LPIN1: variants seen among roughly 807,000 people sequenced by gnomAD.
LPIN1 encodes phosphatidate phosphatase LPIN1.
LPIN1 carries 71 observed loss-of-function variants against 107.5 expected under a neutral mutation model. The ratio of observed to expected loss-of-function variants is 0.66; its 90% confidence interval spans 0.55 to 0.80. LPIN1 has a LOEUF of 0.80. LPIN1 is among the 30% of genes least tolerant of loss of function. LPIN1 has a pLI of 0.00. For synonymous variants in LPIN1, 445 were observed against 452.6 expected (o/e 0.98, Z 0.21); for missense variants, 1,043 against 1,160.6 (o/e 0.90, Z 1.47).
Position 11,805,110 on chromosome 2 carries a change from G to A in LPIN1, c.2203G>A (p.Asp735Asn). 1 of 1,613,994 alleles carries A rather than the reference G, an allele frequency of 6.2e-7. No homozygotes were observed. Among genetic ancestry groups the A allele is most frequent in the African/African-American group, 1.3e-5 (1 of 74,980 alleles). Reference sequence around the variant, plus strand: ...CCACATTTTGCCCACCCTTGGGAAGGATTGGACCCATCAGGGCATCGCTAA... The same window carrying A: ...CCACATTTTGCCCACCCTTGGGAAGAATTGGACCCATCAGGGCATCGCTAA... ...LGHILPTLGK[D>N]WTHQGIAKLY... The change falls in exon 17 of 21, where the codon GAT (aspartate) becomes AAT (asparagine). Residue 735 changes from aspartate to asparagine, a missense_variant. Physicochemically the swap from Asp to Asn is conservative, Grantham distance 23 (BLOSUM62 1). Transcript: ENST00000674199.
At chr2:11,699,054 G>A (rs909894761) in intron 1 of LPIN1, among the ~76,000 whole-genome samples, 1 of 152,118 alleles carries the variant, frequency 6.6e-6, no homozygotes, top group East Asian at 1.9e-4. Context: ...GAGATTTTTT[G>A]CAAAGAAACT....
chr2:11,796,133 A>T (rs1473995013), intron 14 of LPIN1, among the ~76,000 whole-genome samples: 1 of 152,174 alleles, frequency 6.6e-6, no homozygotes, highest in Non-Finnish European at 1.5e-5. Flanking sequence ...TTCTTACTTC[A>T]TGTTTACAGT....
At chr2:11,779,082 T>C (rs1673119029) in intron 6 of LPIN1, among the ~76,000 whole-genome samples, 1 of 152,220 alleles carries the variant, frequency 6.6e-6, no homozygotes, top group Non-Finnish European at 1.5e-5. Flanking sequence ...ATATGGACTC[T>C]AATGAGTGCC....
chr2:11,730,110 C>T (rs997718132), intron 1 of LPIN1, among the ~76,000 whole-genome samples: 5 of 152,124 alleles, frequency 3.3e-5, no homozygotes, highest in African/African-American at 7.2e-5. Context: ...TTCCATTTCA[C>T]GTATGTTGAC....
upstream of LPIN1, chr2:11,722,192 G>A (rs909800643): frequency 1.3e-5 from 2 of 152,146 alleles, no homozygotes; most frequent in South Asian, 4.1e-4. Flanking sequence ...CCTCTACGCA[G>A]GCCTGACTTA....
chr2:11,685,959 C>T (rs1661979701), intron 1 of LPIN1, among the ~76,000 whole-genome samples: 1 of 152,132 alleles, frequency 6.6e-6, no homozygotes, highest in Non-Finnish European at 1.5e-5. Flanking sequence ...GACAGATTGC[C>T]ACCACCAATG....
rs1662717791 is a variant in LPIN1 at position 11,698,794 on chromosome 2, G to T, written c.82-14962G>T. ...AGAAGGTGGGTCAGGGAACTTAGGAGTCTAAATGATGCCTATCAGCTGTCT... is the reference window on the plus strand; with the variant it reads ...AGAAGGTGGGTCAGGGAACTTAGGATTCTAAATGATGCCTATCAGCTGTCT... On this transcript the variant is annotated intron_variant, in intron 1 of 21. Coordinates refer to the LPIN1 transcript ENST00000449576. 2.0e-5 allele frequency among the ~76,000 whole-genome samples: 3 copies of T among 152,364 alleles called. No homozygotes were observed. The South Asian group carries it at 6.2e-4, about 32-fold the overall frequency.
At chr2:11,728,039 C>T (rs1303254867) in intron 1 of LPIN1, among the ~76,000 whole-genome samples, 1 of 152,198 alleles carries the variant, frequency 6.6e-6, no homozygotes, top group African/African-American at 2.4e-5. Context: ...TAGGCCAGCT[C>T]CTTTCTACTC....
rs1214640549 is a variant in LPIN1, at chr2:11,826,229, TGAAATTTTACTCTTTCTGTGAAA to T, written c.*1443_*1465del. 2 of 152,652 alleles carry T rather than the reference TGAAATTTTACTCTTTCTGTGAAA, an allele frequency of 1.3e-5. No homozygotes were observed. The highest frequency in any genetic ancestry group is 2.9e-5 in the Non-Finnish European group (2 of 68,036). The allele number at this position is 152,652 out of a possible 1,614,324, so 9.5% of individuals were successfully genotyped here. The stretch of plus-strand genomic sequence containing the variant: ...GGAGGCAAAAAATGGAACGGTTGAA[TGAAATTTTACTCTTTCTGTGAAA>T]GAAAATCCACAGAGTTGTTGCCTCC... On this transcript the variant is annotated 3_prime_UTR_variant, in exon 21 of 21. Transcript: ENST00000674199.
chr2:11,778,080 T>C (rs539456361), intron 6 of LPIN1, among the ~76,000 whole-genome samples: 41 of 152,292 alleles, frequency 2.7e-4, no homozygotes, highest in Non-Finnish European at 4.9e-4. Flanking sequence ...AGAAGTCCAG[T>C]TGTGGAACTG....
At chr2:11,679,111 G>A (rs543597422) in intron 1 of LPIN1, among the ~76,000 whole-genome samples, 3 of 152,298 alleles carry the variant, frequency 2.0e-5, no homozygotes, top group East Asian at 3.9e-4. Context: ...TGACTCTCTC[G>A]CCAGCCTGAG....
intron 17 of LPIN1, among the ~76,000 whole-genome samples, chr2:11,806,871 C>T (rs1016409344): frequency 6.6e-6 from 1 of 152,132 alleles, no homozygotes. Context: ...TATTTACATC[C>T]CCACACACAT....
chr2:11,734,424 T>C (rs1665579148), intron 1 of LPIN1, among the ~76,000 whole-genome samples: 1 of 152,246 alleles, frequency 6.6e-6, no homozygotes, highest in African/African-American at 2.4e-5. Context: ...ATTGTTTACA[T>C]GTTCTGAAGA....
chr2:11,766,168 C>A (rs189658411), intron 2 of LPIN1, among the ~76,000 whole-genome samples: 1 of 152,330 alleles, frequency 6.6e-6, no homozygotes, highest in African/African-American at 2.4e-5. Context: ...CAGGGCACCC[C>A]ACAACACAGT....
At chr2:11,686,015 C>A (rs1012331152) in intron 1 of LPIN1, among the ~76,000 whole-genome samples, 1 of 152,158 alleles carries the variant, frequency 6.6e-6, no homozygotes, top group East Asian at 1.9e-4. Context: ...CTTCTCCAGC[C>A]GCCTGGAAAC....
intron 1 of LPIN1, among the ~76,000 whole-genome samples, chr2:11,733,377 A>T (rs1370360994): frequency 1.3e-5 from 2 of 152,122 alleles, no homozygotes; most frequent in Non-Finnish European, 2.9e-5. Flanking sequence ...GGACACAAAG[A>T]CACACACACA....
At chr2:11,780,706 TGA>T (rs1458565753) in intron 7 of LPIN1, among the ~76,000 whole-genome samples, 2 of 152,302 alleles carry the variant, frequency 1.3e-5, no homozygotes, top group African/African-American at 4.8e-5. Context: ...CTTGGGCAAA[TGA>T]GTAGACTTCC....
At chr2:11,783,972 TTC>T in intron 9 of LPIN1, 50 bp downstream of exon 9, 1 of 1,613,032 alleles carries the variant, frequency 6.2e-7, no homozygotes, top group Non-Finnish European at 8.5e-7. Context: ...CTGAATATCA[TTC>T]TGTGTGAGAC....
chr2:11,796,770 C>T (rs557571001), intron 14 of LPIN1, among the ~76,000 whole-genome samples: 2 of 152,196 alleles, frequency 1.3e-5, no homozygotes, highest in East Asian at 1.9e-4. Context: ...AGGATGGAGC[C>T]CAGGCCAAGG....
Sources: allele counts gnomAD v4.1 joint callset (sites outside exome capture counted in the v4.1 genomes callset), GRCh38; gene constraint gnomAD v4.1.1; transcripts MANE v1.5; gene names NCBI Gene and HGNC (gene_info 2026-07-23, HGNC 2026-07-21).